Variants in DIP2C observed in about 807,000 individuals in gnomAD.
The protein encoded by DIP2C is DIP2 acetate--CoA ligase C (putative).
In DIP2C, 33 loss-of-function variants were observed where a neutral mutation model predicts 192.4. The observed-to-expected ratio is 0.17, with a 90% CI of 0.13 to 0.23. The LOEUF (loss-of-function observed/expected upper bound fraction) is 0.23. Among genes scored for constraint, DIP2C ranks in the 10% least tolerant of loss-of-function variants. The probability of loss-of-function intolerance (pLI) is 1.00; values close to 1 mark genes in which losing one functional copy is unlikely to be tolerated. For missense variants in DIP2C, 1,537 were observed against 2,110.1 expected (o/e 0.73, Z 5.32); for synonymous variants, 979 against 864.1 (o/e 1.13, Z -2.33).
chr10:376,208 C>T (rs1961560528), intron 17 of DIP2C, among the ~76,000 whole-genome samples: 3 of 152,238 alleles, frequency 2.0e-5, no homozygotes. Flanking sequence ...CATGACAAAG[C>T]AGGCGCGAGA....
At chr10:602,547 G>A (rs575540098) in intron 1 of DIP2C, among the ~76,000 whole-genome samples, 231 of 152,304 alleles carry the variant, frequency 1.5e-3, no homozygotes, top group African/African-American at 5.3e-3. Context: ...CCTCCGCCAC[G>A]TGAGGCCCAG....
At chr10:628,354 A>G (rs1428571694) in intron 1 of DIP2C, among the ~76,000 whole-genome samples, 1 of 152,226 alleles carries the variant, frequency 6.6e-6, no homozygotes, top group African/African-American at 2.4e-5. Context: ...GTCACATTCA[A>G]ATGTTTACAT....
intron 1 of DIP2C, among the ~76,000 whole-genome samples, chr10:622,781 G>C (rs1316687840): frequency 3.9e-5 from 6 of 152,164 alleles, no homozygotes; most frequent in African/African-American, 1.4e-4. Context: ...TCTAACTCCA[G>C]GTGGGAATGT....
At chr10:382,136 C>T (rs4880624) in intron 17 of DIP2C, among the ~76,000 whole-genome samples, 150,176 of 152,344 alleles carry the variant, frequency 0.99, 74,052 homozygotes, top group Middle Eastern at 1. Context: ...GAGCAAAGTG[C>T]ACTCTGAATT....
chr10:513,296 A>G, intron 1 of DIP2C, among the ~76,000 whole-genome samples: 1 of 152,268 alleles, frequency 6.6e-6, no homozygotes, highest in South Asian at 2.1e-4. Flanking sequence ...AAGTTACTAC[A>G]ATAACTTAGA....
At chr10:583,506 T>C (rs562136954) in intron 1 of DIP2C, among the ~76,000 whole-genome samples, 2 of 152,364 alleles carry the variant, frequency 1.3e-5, no homozygotes, top group South Asian at 2.1e-4. Flanking sequence ...AGTATCGATA[T>C]AACTTTGTAA....
rs757683295 is a variant in DIP2C at position 440,885 on chromosome 10, G to T, written c.380C>A (p.Ala127Asp). 5.6e-6 allele frequency: 9 copies of T among 1,612,882 alleles called. No individual in the cohort carries two copies. Among genetic ancestry groups the T allele is most frequent in the Non-Finnish European group, 7.6e-6 (9 of 1,179,908 alleles). The stretch of plus-strand genomic sequence containing the variant: ...GTGTCCCTTACCTGGAGGGGTGTAG[G>T]CGTCCATCGAGGTCTGCACGACCAG... ...RSLVVQTSMD[A>D]YTPPDTSSGS... The change falls in exon 4 of 37, where the codon GCC becomes GAC. Residue 127 changes from alanine (A) to aspartate (D), a missense_variant. By Grantham distance (126) the Ala-to-Asp change is moderately radical (BLOSUM62 -2). Around this residue, in one of 4 missense-constraint regions of DIP2C, gnomAD observed 473 missense variants for 539.6 expected, o/e 0.88. Coordinates refer to ENST00000280886, the MANE Select transcript of DIP2C (RefSeq NM_014974.3).
chr10:609,268 G>A (rs942045155), intron 1 of DIP2C, among the ~76,000 whole-genome samples: 2 of 152,170 alleles, frequency 1.3e-5, no homozygotes, highest in Non-Finnish European at 2.9e-5. Context: ...GGAATTAACA[G>A]GACAAGTTTT....
At chr10:310,890 A>T (rs1280841548) in intron 31 of DIP2C, among the ~76,000 whole-genome samples, 3 of 152,216 alleles carry the variant, frequency 2.0e-5, no homozygotes, top group African/African-American at 7.2e-5. Context: ...GAAAAAGACT[A>T]AACCTACAAT....
chr10:651,012 C>G lies in DIP2C; in HGVS notation c.85+38482G>C. 1.4e-6 allele frequency: 1 copy of G among 717,388 alleles called. No homozygotes were observed. The highest frequency in any genetic ancestry group is 1.5e-5 in the South Asian group (1 of 67,586). The allele number at this position is 717,388 out of a possible 1,614,324, so 44.4% of individuals were successfully genotyped here. On this transcript the variant is annotated intron_variant, in intron 1 of 36. Transcript: ENST00000280886. This position sits in a 1 kb window ranked among gnomAD's most constrained non-coding sequence, Gnocchi z 4.1. The stretch of plus-strand genomic sequence containing the variant: ...ATCTCTCCCGGTGCCAGGGCTCAGG[C>G]CCCAGCCCCCGTTTCTGCAGAAGCC...
chr10:556,489 ACCT>A (rs372637547), intron 1 of DIP2C, among the ~76,000 whole-genome samples: 241 of 149,738 alleles, frequency 1.6e-3, no homozygotes, highest in African/African-American at 5.5e-3. Flanking sequence ...GGCAGCGGCC[ACCT>A]GACTCTACCA....
chr10:658,666 T>C (rs1316155305), intron 1 of DIP2C, among the ~76,000 whole-genome samples: 1 of 152,238 alleles, frequency 6.6e-6, no homozygotes, highest in African/African-American at 2.4e-5. Context: ...GTGTGGTGTA[T>C]TATGTTTCAT....
chr10:594,280 C>T (rs1851569386), intron 1 of DIP2C, among the ~76,000 whole-genome samples: 1 of 152,208 alleles, frequency 6.6e-6, no homozygotes, highest in South Asian at 2.1e-4. Context: ...AACTCTCACA[C>T]CTGACACCTA....
intron 24 of DIP2C, among the ~76,000 whole-genome samples, chr10:353,415 G>A (rs569308948): frequency 6.6e-6 from 1 of 152,218 alleles, no homozygotes; most frequent in Non-Finnish European, 1.5e-5. Flanking sequence ...TCGAGATAGA[G>A]TCTTGCTCTG....
At chr10:386,248 C>A (rs1962898580) in intron 14 of DIP2C, among the ~76,000 whole-genome samples, 1 of 152,188 alleles carries the variant, frequency 6.6e-6, no homozygotes, top group Admixed American at 6.5e-5. Context: ...AGTGCTTCAA[C>A]TTTAGGCCAC....
At chr10:428,370 G>A (rs1966732641) in intron 4 of DIP2C, among the ~76,000 whole-genome samples, 1 of 152,116 alleles carries the variant, frequency 6.6e-6, no homozygotes, top group Non-Finnish European at 1.5e-5. Flanking sequence ...CAGCTTTCAT[G>A]TGTGTGAATG....
chr10:369,454 A>AAT, intron 18 of DIP2C, 40 bp downstream of exon 18: 1 of 1,485,070 alleles, frequency 6.7e-7, no homozygotes, highest in South Asian at 1.4e-5. Context: ...AAAAGCATTT[A>AAT]ATAACTGGTT....
intron 4 of DIP2C, among the ~76,000 whole-genome samples, chr10:425,537 T>C (rs112837175): frequency 1.9e-4 from 24 of 127,456 alleles, no homozygotes; most frequent in Admixed American, 3.1e-4. Context: ...GCATGACCAG[T>C]GGTGACTAAT....
intron 31 of DIP2C, among the ~76,000 whole-genome samples, chr10:315,867 T>C (rs987248401): frequency 6.6e-6 from 1 of 152,200 alleles, no homozygotes; most frequent in Non-Finnish European, 1.5e-5. Context: ...CCTTTTCTCC[T>C]TGTTTTATGC....
Sources: gnomAD v4.1 joint callset for allele counts (sites outside exome capture counted in the v4.1 genomes callset) on GRCh38, gnomAD v4.1.1 for gene constraint, gnomAD v4.1.1 regional missense constraint, Gnocchi (gnomAD v3.1) non-coding constraint, MANE v1.5 for transcripts, NCBI Gene and HGNC (gene_info 2026-07-23, HGNC 2026-07-21) for gene names.